Variants in GPHN observed in about 807,000 individuals in gnomAD.
GPHN encodes gephyrin.
GPHN carries 17 observed loss-of-function variants against 95.5 expected under a neutral mutation model. That is an observed-to-expected ratio of 0.18 (90% CI 0.12 to 0.27). The LOEUF is 0.27. Ranked by LOEUF, GPHN falls within the 10% of genes least tolerant of loss-of-function variation. The pLI is 1.00. For missense variants in GPHN, 660 were observed against 978.1 expected (o/e 0.67, Z 4.34); for synonymous variants, 320 against 322.5 (o/e 0.99, Z 0.08).
the GPHN span, among the ~76,000 whole-genome samples, chr14:67,598,269 C>T: frequency 6.6e-6 from 1 of 152,120 alleles, no homozygotes; most frequent in African/African-American, 2.4e-5. Flanking sequence ...GTCACTGATT[C>T]CTCGGGTACT....
chr14:67,471,553 G>A, the GPHN span: 1 of 152,166 alleles, frequency 6.6e-6, no homozygotes, highest in Admixed American at 6.5e-5. Flanking sequence ...CCCTGGAATT[G>A]GGGCCACAAT....
the GPHN span, among the ~76,000 whole-genome samples, chr14:67,716,441 C>T: frequency 1.8e-3 from 277 of 152,272 alleles, 2 homozygotes; most frequent in Admixed American, 4.5e-3. Context: ...GTGAATATGG[C>T]AATTTATAAA....
At chr14:67,165,736 A>C (rs1261587417) in intron 20 of GPHN, among the ~76,000 whole-genome samples, 1 of 152,172 alleles carries the variant, frequency 6.6e-6, no homozygotes, top group Non-Finnish European at 1.5e-5. Context: ...AGGCTACTGG[A>C]ACTAGTGCTT....
At chr14:67,456,675 G>C in the GPHN span, among the ~76,000 whole-genome samples, 1 of 151,948 alleles carries the variant, frequency 6.6e-6, no homozygotes, top group African/African-American at 2.4e-5. Context: ...ACACATTGCT[G>C]ATGGAAATGC....
At chr14:67,310,987 C>T in the GPHN span, among the ~76,000 whole-genome samples, 2 of 152,124 alleles carry the variant, frequency 1.3e-5, no homozygotes, top group Admixed American at 6.6e-5. Context: ...ACTTTTATTA[C>T]ATATAACCTC....
chr14:67,688,528 AG>A, the GPHN span, among the ~76,000 whole-genome samples: 2 of 151,998 alleles, frequency 1.3e-5, no homozygotes, highest in Non-Finnish European at 2.9e-5. Flanking sequence ...GGAGAAGAGC[AG>A]GGGGAAGAGG....
chr14:66,760,777 A>G (rs1422920041), intron 2 of GPHN: 1 of 486,182 alleles, frequency 2.1e-6, no homozygotes, highest in Non-Finnish European at 4.0e-6. Context: ...TCAAATACAG[A>G]GAGAGCTATG....
At chr14:67,054,645 A>G (rs781102910) in intron 10 of GPHN, among the ~76,000 whole-genome samples, 3 of 152,174 alleles carry the variant, frequency 2.0e-5, no homozygotes, top group Non-Finnish European at 4.4e-5. Flanking sequence ...TATAATGAAG[A>G]CAATCCTAAG....
At chr14:67,545,157 G>A in the GPHN span, among the ~76,000 whole-genome samples, 1 of 152,146 alleles carries the variant, frequency 6.6e-6, no homozygotes, top group Admixed American at 6.5e-5. Context: ...TTTGAAGATG[G>A]GTCATCTGAT....
chr14:67,307,376 A>G, the GPHN span, among the ~76,000 whole-genome samples: 1 of 152,224 alleles, frequency 6.6e-6, no homozygotes, highest in East Asian at 1.9e-4. Context: ...GTCTAATGCC[A>G]TAATCTAACA....
chr14:67,639,645 G>A, the GPHN span, among the ~76,000 whole-genome samples: 1 of 152,142 alleles, frequency 6.6e-6, no homozygotes, highest in Non-Finnish European at 1.5e-5. Context: ...AGTACACTGG[G>A]TGCAGTGGCT....
chr14:66,822,053 A>G (rs113064069), intron 3 of GPHN, among the ~76,000 whole-genome samples: 2,383 of 152,060 alleles, frequency 0.016, 33 homozygotes, highest in Non-Finnish European at 0.018. Flanking sequence ...CCTGGTTCAA[A>G]TGATTCTCCT....
intron 8 of GPHN, among the ~76,000 whole-genome samples, chr14:66,925,443 T>C (rs2066437121): frequency 6.7e-6 from 1 of 148,948 alleles, no homozygotes; most frequent in Non-Finnish European, 1.5e-5. Flanking sequence ...CTCTCCACCC[T>C]CTGGTAACCA....
chr14:67,386,776 TATA>T, the GPHN span, among the ~76,000 whole-genome samples: 1 of 152,246 alleles, frequency 6.6e-6, no homozygotes, highest in African/African-American at 2.4e-5. Context: ...TTCTGTAATG[TATA>T]ATATTTATGC....
At chr14:66,927,611 A>C (rs1461407926) in intron 8 of GPHN, among the ~76,000 whole-genome samples, 1 of 152,066 alleles carries the variant, frequency 6.6e-6, no homozygotes, top group Admixed American at 6.5e-5. Flanking sequence ...CATCTTTGTC[A>C]TGTTCCAGAT....
chr14:67,144,620 A>C (rs1714563955), intron 18 of GPHN, among the ~76,000 whole-genome samples: 1 of 152,156 alleles, frequency 6.6e-6, no homozygotes, highest in South Asian at 2.1e-4. Flanking sequence ...ACCAAAATTC[A>C]TATTTTCTAA....
chr14:67,292,368 C>T, the GPHN span: 18 of 574,818 alleles, frequency 3.1e-5, no homozygotes, highest in Non-Finnish European at 1.8e-5. Context: ...ATGAAATGAC[C>T]ATGATTGACA....
chr14:67,250,388 A>T, the GPHN span, among the ~76,000 whole-genome samples: 1 of 152,252 alleles, frequency 6.6e-6, no homozygotes, highest in African/African-American at 2.4e-5. Context: ...GACCAAAAAA[A>T]TCTGGAAGAA....
At chr14:66,983,049 C>T (rs1220656593) in intron 9 of GPHN, among the ~76,000 whole-genome samples, 3 of 152,032 alleles carry the variant, frequency 2.0e-5, no homozygotes, top group African/African-American at 7.2e-5. Context: ...GTCAGGAGTT[C>T]AAGAGCAGCC....
Sources: allele counts gnomAD v4.1 joint callset (sites outside exome capture counted in the v4.1 genomes callset), GRCh38; gene constraint gnomAD v4.1.1; transcripts MANE v1.5; gene names NCBI Gene and HGNC (gene_info 2026-07-23, HGNC 2026-07-21).